The following CETP variants were observed in gnomAD, a reference collection of about 807,000 sequenced individuals.
CETP encodes BPI fold containing family F.
CETP carries 56 observed loss-of-function variants against 66.5 expected under a neutral mutation model. The observed-to-expected ratio is 0.84, with a 90% confidence interval of 0.68 to 1.05. The LOEUF is 1.05. Ranked by LOEUF, CETP falls within the 50% of genes least tolerant of loss-of-function variation. CETP has a pLI of 0.00. For synonymous variants in CETP, 251 were observed against 245.7 expected, an observed-to-expected ratio of 1.02 and a Z score of -0.20; for missense variants, 612 against 609.6, an observed-to-expected ratio of 1.00 and a Z score of -0.04.
chr16:56,978,096 C>G lies in CETP; in HGVS notation c.987C>G (p.Val329=), dbSNP rs1413695952. The change falls in exon 11 of 16, where the codon GTC becomes GTG. Residue 329 remains valine, a synonymous_variant. Coordinates refer to ENST00000200676, the MANE Select transcript of CETP (RefSeq NM_000078.3). ...NTNQEIFQEV[V]GGFPSQAQVT... ...GGGACCCCTGTCTTCCACAGGTTGT[C>G]GGCGGCTTCCCCAGCCAGGCCCAAG... 6.2e-7 allele frequency: 1 copy of G among 1,613,980 alleles called. No individual in the cohort carries two copies. The highest frequency in any genetic ancestry group is 1.3e-5 in the African/African-American group (1 of 74,930).
At chr16:56,970,044 T>C in intron 5 of CETP, 43 bp downstream of exon 5, 1 of 1,580,704 alleles carries the variant, frequency 6.3e-7, no homozygotes, top group Non-Finnish European at 8.6e-7. Flanking sequence ...CTCGTGCCCA[T>C]CCTGTTAGTG....
chr16:56,967,022 C>T (rs1168963394), intron 2 of CETP, among the ~76,000 whole-genome samples: 2 of 152,016 alleles, frequency 1.3e-5, no homozygotes, highest in South Asian at 2.1e-4. Context: ...TAGGAGCTTA[C>T]GCAGCTATTA....
chr16:56,974,466 C>T (rs2056135456), intron 9 of CETP, among the ~76,000 whole-genome samples: 1 of 152,064 alleles, frequency 6.6e-6, no homozygotes. Context: ...AAATACAGTC[C>T]AGCATTTATT....
intron 12 of CETP, 36 bp downstream of exon 12, chr16:56,981,261 C>T (rs747058047): frequency 6.6e-7 from 1 of 1,505,312 alleles, no homozygotes. Context: ...GCGGTCAACT[C>T]CGCAAACCTC....
At chr16:56,962,229 G>C (rs1190003325) in intron 1 of CETP, 132 bp downstream of exon 1, 7 of 818,602 alleles carry the variant, frequency 8.6e-6, no homozygotes, top group African/African-American at 5.0e-5. Flanking sequence ...AGTGCCCTGG[G>C]AGGGAGATGG....
In CETP at chr16:56,969,877, G is replaced by A. The variant is rs369737295; in HGVS notation, c.440-37G>A. The A allele has an allele frequency of 1.2e-3, 1,866 of 1,603,622 alleles. 36 individuals are homozygous for A. In the South Asian group the frequency reaches 0.019, roughly 16 times the overall value. On this transcript the variant is annotated intron_variant, in intron 4 of 15. Coordinates refer to ENST00000200676, the MANE Select transcript of CETP (RefSeq NM_000078.3). ...CAGCATGTGGATACCATCTGATAGC[G>A]GAGGCTGCCCTGAGGTCATGTCGGG... is the stretch of plus-strand genomic sequence containing the variant.
At chr16:56,979,388 G>A (rs2056172042) in intron 11 of CETP, among the ~76,000 whole-genome samples, 1 of 152,164 alleles carries the variant, frequency 6.6e-6, no homozygotes. Context: ...TAGCTTCCTA[G>A]ACAATGGCCA....
chr16:56,970,217 A>G (rs1199459414), intron 5 of CETP, among the ~76,000 whole-genome samples: 1 of 152,258 alleles, frequency 6.6e-6, no homozygotes, highest in Non-Finnish European at 1.5e-5. Context: ...ACTAACAGCT[A>G]TTAAGAACTT....
At chr16:56,980,916 T>A (rs941759782) in intron 11 of CETP, among the ~76,000 whole-genome samples, 1 of 152,000 alleles carries the variant, frequency 6.6e-6, no homozygotes, top group Non-Finnish European at 1.5e-5. Flanking sequence ...AGTGAGACTG[T>A]CTCAAAAACA....
chr16:56,977,342 A>G (rs532794262), intron 10 of CETP, among the ~76,000 whole-genome samples: 1 of 152,244 alleles, frequency 6.6e-6, no homozygotes, highest in East Asian at 1.9e-4. Context: ...GAAGGTCCTC[A>G]GGCCACACTC....
chr16:56,972,770 T>C (rs2056121604), intron 8 of CETP, among the ~76,000 whole-genome samples: 1 of 152,206 alleles, frequency 6.6e-6, no homozygotes, highest in Non-Finnish European at 1.5e-5. Context: ...TGGTACAGAA[T>C]GGAGGGAGAG....
Position 56,981,288 on chromosome 16 carries a change from G to T in CETP, c.1214+63G>T, listed in dbSNP as rs556988212. On this transcript the variant is annotated intron_variant, in intron 12 of 15. Transcript: ENST00000200676. The stretch of plus-strand genomic sequence containing the variant: ...GCAAACCTCTCCCTGGCCCCTTGGA[G>T]TCAGGCACAGGGCGGGGTGTTGGTG... The T allele has an allele frequency of 4.5e-6, 6 of 1,319,518 alleles. No individual in the cohort carries two copies. The East Asian group carries it at 1.1e-4, about 25-fold the overall frequency. The allele number at this position is 1,319,518 out of a possible 1,614,324, so 81.7% of individuals were successfully genotyped here.
rs561684377 is a variant in CETP, at chr16:56,972,394, C to A, written c.750+311C>A. ...CTACAGCAGTGGATTGTGGCCCCCC[C>A]CCAGGGGGTACTGACAAAAGCTTTG... On this transcript the variant is annotated intron_variant, in intron 8 of 15. Transcript: ENST00000200676. Among the ~76,000 whole-genome samples the A allele has an allele frequency of 4.1e-3, 632 of 152,348 alleles. 5 individuals are homozygous for A. Among genetic ancestry groups the A allele is most frequent in the African/African-American group, 0.012 (491 of 41,588 alleles).
rs75313088 is a variant in CETP at position 56,963,406 on chromosome 16, G to A, written c.233+282G>A. 9.3e-3 allele frequency among the ~76,000 whole-genome samples: 1,411 copies of A among 151,690 alleles called. 24 individuals are homozygous for A. Among genetic ancestry groups the A allele is most frequent in the African/African-American group, 0.032 (1,334 of 41,124 alleles). ...CCTGGGAAGATGGAGGTCTTATTTC[G>A]GGGTGAATGGGGGGTAGGGTAGAAA... On this transcript the variant is annotated intron_variant, in intron 2 of 15. Transcript: ENST00000200676.
intron 2 of CETP, among the ~76,000 whole-genome samples, chr16:56,968,459 T>C (rs1208024741): frequency 6.6e-6 from 1 of 152,194 alleles, no homozygotes; most frequent in Non-Finnish European, 1.5e-5. Context: ...AGTGCTAGGA[T>C]TACAGGTGTG....
chr16:56,982,479 C>A (rs150623391), intron 14 of CETP, among the ~76,000 whole-genome samples: 1 of 152,262 alleles, frequency 6.6e-6, no homozygotes, highest in East Asian at 1.9e-4. Flanking sequence ...CGGGATGGCT[C>A]AACCCACTTT....
In CETP at chr16:56,969,478, T is replaced by A. The variant is rs1325681942; in HGVS notation, c.326T>A (p.Val109Asp). The change falls in exon 3 of 16, where the codon GTC (valine) becomes GAC (aspartate). Residue 109 changes from valine to aspartate, a missense_variant. By Grantham distance (152) the Val-to-Asp change is radical. Transcript: ENST00000200676. ...GTCTCCATTCAGAACGTGTCTGTGGTCTTCAAGGGGACCCTGAAGTATGGC... is the reference window on the plus strand; with the variant it reads ...GTCTCCATTCAGAACGTGTCTGTGGACTTCAAGGGGACCCTGAAGTATGGC... Reference protein sequence around the residue: ...IDVSIQNVSVVFKGTLKYGYT... With the variant: ...IDVSIQNVSVDFKGTLKYGYT... 1 of 1,614,190 alleles carries A rather than the reference T, an allele frequency of 6.2e-7. No homozygotes were observed. Among genetic ancestry groups the A allele is most frequent in the Admixed American group, 1.7e-5 (1 of 60,026 alleles).
In CETP at chr16:56,977,733, CCA is replaced by C. The variant is rs1371964714; in HGVS notation, c.982-355_982-354del. Among the ~76,000 whole-genome samples, 294 of 152,294 alleles carry C rather than the reference CCA, an allele frequency of 1.9e-3. 2 individuals carry two copies. The highest frequency in any genetic ancestry group is 3.9e-3 in the South Asian group (19 of 4,830). On this transcript the variant is annotated intron_variant, in intron 10 of 15. Coordinates refer to ENST00000200676, the MANE Select transcript of CETP (RefSeq NM_000078.3). ...CAGTAGGTCCTGTTCTAAGCTCTTT[CCA>C]CAGATTATCTCATTCCATCCTCAGG...
At chr16:56,976,809 A>G (rs2056153163) in intron 10 of CETP, among the ~76,000 whole-genome samples, 3 of 152,038 alleles carry the variant, frequency 2.0e-5, no homozygotes, top group Admixed American at 6.6e-5. Flanking sequence ...AATTCTGGAT[A>G]GTTTCTTCAA....
Sources: allele counts gnomAD v4.1 joint callset (sites outside exome capture counted in the v4.1 genomes callset), GRCh38; gene constraint gnomAD v4.1.1; transcripts MANE v1.5; gene names NCBI Gene and HGNC (gene_info 2026-07-23, HGNC 2026-07-21).